The following DOCK4 variants were observed in gnomAD, a reference collection of about 807,000 sequenced individuals.
DOCK4 encodes the protein dedicator of cytokinesis protein 4.
In DOCK4, 97 loss-of-function variants were observed where a neutral mutation model predicts 268.1. That is an observed-to-expected ratio of 0.36 (90% CI 0.31 to 0.43). DOCK4 has a LOEUF of 0.43. DOCK4 is among the 20% of genes least tolerant of loss of function. DOCK4 has a pLI of 1.00. For synonymous variants in DOCK4, 954 were observed against 887.2 expected (o/e 1.08, Z -1.34); for missense variants, 2,145 against 2,455.7 (o/e 0.87, Z 2.67).
At chr7:111,847,434 C>T (rs996637790) in intron 23 of DOCK4, among the ~76,000 whole-genome samples, 2 of 151,768 alleles carry the variant, frequency 1.3e-5, no homozygotes, top group South Asian at 2.1e-4. Flanking sequence ...TAAGATAGAT[C>T]GCCTACTGAC....
intron 1 of DOCK4, among the ~76,000 whole-genome samples, chr7:112,131,186 G>T (rs1056332128): frequency 1.3e-5 from 2 of 152,124 alleles, no homozygotes; most frequent in Non-Finnish European, 1.5e-5. Context: ...GATACATGCT[G>T]CTCACTAGAT....
intron 41 of DOCK4, among the ~76,000 whole-genome samples, chr7:111,758,312 CAGG>C (rs1215503305): frequency 6.6e-6 from 1 of 152,172 alleles, no homozygotes; most frequent in Non-Finnish European, 1.5e-5. Context: ...TGACTTCAGC[CAGG>C]AGTTCTCAAA....
Position 111,760,275 on chromosome 7 carries a change from G to A in DOCK4, c.4068C>T (p.Ala1356=), listed in dbSNP as rs1326175351. The change falls in exon 40 of 53, where the codon GCC becomes GCT. Residue 1356 remains alanine, a synonymous_variant. Transcript: ENST00000428084. ...ACTCGTTCAGCATTCTCTGTTGGAA[G>A]GCTTCCAGCCTCTCGTAGTCATGCC... ...CRGHDYERLE[A]FQQRMLNEFP... The A allele has an allele frequency of 3.7e-6, 6 of 1,613,832 alleles. No individual in the cohort carries two copies. The highest frequency in any genetic ancestry group is 5.1e-6 in the Non-Finnish European group (6 of 1,179,898).
chr7:112,021,449 T>C (rs2135412621), intron 1 of DOCK4, among the ~76,000 whole-genome samples: 2 of 152,302 alleles, frequency 1.3e-5, no homozygotes, highest in Admixed American at 1.3e-4. Flanking sequence ...AGAAAAGAAG[T>C]GCTACTTGAA....
chr7:111,994,083 T>C lies in DOCK4; in HGVS notation c.315+52A>G. ...TAATGCTTACTCATGTTCATGTATT[T>C]CTTAAAACAATTCTTTACCCGAAAA... On this transcript the variant is annotated intron_variant, in intron 5 of 52. Transcript: ENST00000428084. The C allele has an allele frequency of 5.6e-6, 7 of 1,244,704 alleles. No homozygotes were observed. In the South Asian group the frequency reaches 7.9e-5, roughly 14 times the overall value. 77.1% of individuals were successfully genotyped at this position (1,244,704 alleles called of 1,614,324 possible).
At chr7:112,095,119 CT>C (rs1809995238) in intron 1 of DOCK4, among the ~76,000 whole-genome samples, 1 of 152,120 alleles carries the variant, frequency 6.6e-6, no homozygotes. Context: ...TGAAAAATTC[CT>C]TCTACTTTAC....
intron 11 of DOCK4, 133 bp downstream of exon 11, chr7:111,939,977 T>A (rs1468182916): frequency 5.7e-6 from 5 of 871,266 alleles, no homozygotes; most frequent in East Asian, 5.2e-5. Context: ...GTCTACAGAT[T>A]ACTGGGTTTT....
intron 11 of DOCK4, 64 bp from the exon 12 acceptor site, chr7:111,935,692 A>G: frequency 7.2e-7 from 1 of 1,392,948 alleles, no homozygotes; most frequent in Non-Finnish European, 1.0e-6. Context: ...TGATCCTCAT[A>G]GTACATCTGC....
intron 1 of DOCK4, among the ~76,000 whole-genome samples, chr7:112,177,379 T>C (rs1016240609): frequency 3.3e-5 from 5 of 152,224 alleles, no homozygotes; most frequent in African/African-American, 1.2e-4. Flanking sequence ...TAATAATGCA[T>C]TTAAAAGCAC....
chr7:112,191,528 G>A (rs752564499), intron 1 of DOCK4, among the ~76,000 whole-genome samples: 5 of 152,042 alleles, frequency 3.3e-5, no homozygotes, highest in Non-Finnish European at 7.4e-5. Context: ...ACAACGTGGG[G>A]ACTTATTTCA....
intron 49 of DOCK4, among the ~76,000 whole-genome samples, chr7:111,737,544 T>C (rs1585828005): frequency 6.6e-6 from 1 of 152,200 alleles, no homozygotes; most frequent in African/African-American, 2.4e-5. Context: ...AACCCCTGCA[T>C]GTTAAAAATC....
intron 1 of DOCK4, among the ~76,000 whole-genome samples, chr7:112,091,758 C>T (rs1809652421): frequency 1.3e-5 from 2 of 152,148 alleles, no homozygotes; most frequent in Admixed American, 6.5e-5. Flanking sequence ...CTAGTTAATA[C>T]TGTGTCCTCC....
At chr7:112,142,202 G>A (rs1814997591) in intron 1 of DOCK4, among the ~76,000 whole-genome samples, 3 of 152,110 alleles carry the variant, frequency 2.0e-5, no homozygotes, top group African/African-American at 7.2e-5. Context: ...AAATAACTCA[G>A]GCAAGGTCAC....
At chr7:112,150,685 T>C (rs1310102494) in intron 1 of DOCK4, among the ~76,000 whole-genome samples, 1 of 152,100 alleles carries the variant, frequency 6.6e-6, no homozygotes, top group Admixed American at 6.6e-5. Context: ...TGAATAAAGC[T>C]CCAAGCCCTC....
chr7:112,013,475 T>G (rs1445064706), intron 1 of DOCK4, among the ~76,000 whole-genome samples: 1 of 152,186 alleles, frequency 6.6e-6, no homozygotes, highest in East Asian at 1.9e-4. Context: ...AAGTCCAAAG[T>G]TCTTTCAAAA....
intron 2 of DOCK4, among the ~76,000 whole-genome samples, chr7:112,001,350 G>A (rs955220187): frequency 7.2e-5 from 11 of 152,022 alleles, no homozygotes; most frequent in South Asian, 2.1e-4. Context: ...GTGCCTGCCC[G>A]CTCAGTTCCA....
At chr7:111,995,354 T>C (rs968490311) in intron 4 of DOCK4, among the ~76,000 whole-genome samples, 8 of 151,960 alleles carry the variant, frequency 5.3e-5, no homozygotes, top group Admixed American at 5.3e-4. Context: ...TTGTCCTCTG[T>C]ATCCTACCTT....
intron 12 of DOCK4, among the ~76,000 whole-genome samples, chr7:111,933,398 G>A (rs976655475): frequency 2.7e-5 from 4 of 149,580 alleles, no homozygotes; most frequent in African/African-American, 7.4e-5. Context: ...TGGTTTAAGC[G>A]ATTCTCCTGC....
intron 37 of DOCK4, 65 bp downstream of exon 37, chr7:111,769,464 G>A: frequency 6.3e-7 from 1 of 1,581,112 alleles, no homozygotes. Flanking sequence ...AACTAGAAAT[G>A]AAAGGGAAAG....
Sources: gnomAD v4.1 joint callset for allele counts (sites outside exome capture counted in the v4.1 genomes callset) on GRCh38, gnomAD v4.1.1 for gene constraint, MANE v1.5 for transcripts, NCBI Gene and HGNC (gene_info 2026-07-23, HGNC 2026-07-21) for gene names.